The following DLC1 variants were observed in gnomAD, a reference collection of about 807,000 sequenced individuals.
DLC1 encodes rho GTPase-activating protein 7.
In DLC1, 54 loss-of-function variants were observed where a neutral mutation model predicts 140.3. The observed-to-expected ratio is 0.38, with a 90% CI of 0.31 to 0.48. The LOEUF is 0.48. Among genes scored for constraint, DLC1 ranks in the 20% least tolerant of loss-of-function variants. The pLI is 0.96. For synonymous variants in DLC1, 986 were observed against 728.1 expected (o/e 1.35, Z -5.70); for missense variants, 2,536 against 1,907.0 (o/e 1.33, Z -6.14).
Position 13,125,059 on chromosome 8 carries a change from C to T in DLC1, c.1349-9402G>A, listed in dbSNP as rs552142595. Among the ~76,000 whole-genome samples the T allele has an allele frequency of 3.5e-3, 533 of 152,216 alleles. 2 individuals carry two copies. Among genetic ancestry groups the T allele is most frequent in the African/African-American group, 0.012 (480 of 41,524 alleles). ...TAGCACAATCTCAACTCACAGCAAC[C>T]TCTGCCTCCTGGGTTCAAGCCATTC... is the stretch of plus-strand genomic sequence containing the variant. On this transcript the variant is annotated intron_variant, in intron 5 of 17. Coordinates refer to ENST00000276297, the MANE Select transcript of DLC1 (RefSeq NM_182643.3).
intron 5 of DLC1, among the ~76,000 whole-genome samples, chr8:13,136,539 G>A (rs1032850273): frequency 6.6e-6 from 1 of 152,086 alleles, no homozygotes; most frequent in East Asian, 1.9e-4. Context: ...AGATCATCTC[G>A]CCCTGTTGCC....
chr8:13,391,940 C>T (rs1350144267), intron 4 of DLC1, among the ~76,000 whole-genome samples: 2 of 150,718 alleles, frequency 1.3e-5, no homozygotes, highest in Admixed American at 6.6e-5. Context: ...ATTTTCAAAA[C>T]CTTCAAGTCA....
intron 10 of DLC1, 140 bp downstream of exon 10, chr8:13,098,259 A>G: frequency 9.0e-7 from 1 of 1,117,296 alleles, no homozygotes. Context: ...ACAAAAATGC[A>G]GAGAGTGATT....
At chr8:13,415,086 A>G (rs1004107210) in intron 2 of DLC1, among the ~76,000 whole-genome samples, 2 of 152,074 alleles carry the variant, frequency 1.3e-5, no homozygotes, top group Non-Finnish European at 1.5e-5. Context: ...TGCTGGGATT[A>G]TGGGCGTGAG....
At chr8:13,309,011 A>G (rs1832565086) in intron 4 of DLC1, among the ~76,000 whole-genome samples, 1 of 152,178 alleles carries the variant, frequency 6.6e-6, no homozygotes, top group Admixed American at 6.5e-5. Flanking sequence ...TTGGAACTAA[A>G]ACACCGAATG....
intron 2 of DLC1, among the ~76,000 whole-genome samples, chr8:13,452,522 A>T (rs900581492): frequency 2.6e-5 from 4 of 152,230 alleles, no homozygotes; most frequent in African/African-American, 9.6e-5. Flanking sequence ...TGCTAAAGTG[A>T]TAGGTACAAA....
At chr8:13,365,549 A>T (rs577362198) in intron 4 of DLC1, among the ~76,000 whole-genome samples, 8 of 152,228 alleles carry the variant, frequency 5.3e-5, no homozygotes, top group Admixed American at 4.6e-4. Flanking sequence ...GATGCATGAG[A>T]TGTTACCAAT....
intron 15 of DLC1, 46 bp downstream of exon 15, chr8:13,090,206 C>G (rs756534009): frequency 3.3e-5 from 52 of 1,572,152 alleles, no homozygotes; most frequent in Non-Finnish European, 4.2e-5. Flanking sequence ...TGGACCCAAG[C>G]TTCGACTCCT....
At chr8:13,184,581 T>G (rs1402816113) in intron 5 of DLC1, among the ~76,000 whole-genome samples, 1 of 152,240 alleles carries the variant, frequency 6.6e-6, no homozygotes, top group Non-Finnish European at 1.5e-5. Context: ...AGGAGCAAGT[T>G]GTTCAGTTTC....
At chr8:13,403,513 T>C (rs529977362) in intron 2 of DLC1, among the ~76,000 whole-genome samples, 3 of 152,378 alleles carry the variant, frequency 2.0e-5, no homozygotes, top group Admixed American at 6.5e-5. Flanking sequence ...GTTTGGCAAC[T>C]TAAAGGTTGC....
intron 7 of DLC1, among the ~76,000 whole-genome samples, chr8:13,103,839 C>CAAAAAAAAAAA (rs1002564334): frequency 1.6e-5 from 1 of 60,804 alleles, no homozygotes; most frequent in African/African-American, 5.0e-5. Context: ...GACTCCATCT[C>CAAAAAAAAAAA]AAAAAAAAAA....
intron 4 of DLC1, among the ~76,000 whole-genome samples, chr8:13,365,477 T>G (rs1296274351): frequency 2.6e-5 from 4 of 152,130 alleles, no homozygotes; most frequent in Non-Finnish European, 5.9e-5. Flanking sequence ...TTTATCCTAC[T>G]CTAGATGTGA....
intron 2 of DLC1, among the ~76,000 whole-genome samples, chr8:13,427,022 A>T (rs1434632268): frequency 6.6e-6 from 1 of 151,950 alleles, no homozygotes; most frequent in Non-Finnish European, 1.5e-5. Context: ...CCATTTTTCA[A>T]CCTGTACTTT....
chr8:13,269,757 A>G (rs1830846675), intron 5 of DLC1, among the ~76,000 whole-genome samples: 2 of 151,156 alleles, frequency 1.3e-5, no homozygotes, highest in South Asian at 2.1e-4. Flanking sequence ...AGTAATTAGA[A>G]TAAGAAATTT....
Position 13,095,068 on chromosome 8 carries a change from C to T in DLC1, c.3327+18G>A, listed in dbSNP as rs202095993. 80 of 1,613,862 alleles carry T rather than the reference C, an allele frequency of 5.0e-5. 1 individual carries two copies. The highest frequency in any genetic ancestry group is 2.9e-4 in the African/African-American group (22 of 74,940). On this transcript the variant is annotated intron_variant, in intron 11 of 17. Coordinates refer to ENST00000276297, the MANE Select transcript of DLC1 (RefSeq NM_182643.3). ...CCGAGCTCCCCTGAGTACGTGGACC[C>T]GCAGGCAGCGCTCTCACCTGATCCA... is the stretch of plus-strand genomic sequence containing the variant.
intron 5 of DLC1, among the ~76,000 whole-genome samples, chr8:13,158,726 A>ACCC (rs1824436999): frequency 5.9e-4 from 10 of 17,048 alleles, no homozygotes; most frequent in South Asian, 3.1e-3. Flanking sequence ...GTTCACAACC[A>ACCC]CCACCCTCCC....
At chr8:13,295,981 C>T (rs1831935870) in intron 5 of DLC1, among the ~76,000 whole-genome samples, 1 of 94,680 alleles carries the variant, frequency 1.1e-5, no homozygotes, top group Non-Finnish European at 1.9e-5. Flanking sequence ...GAGACAGAGT[C>T]TCATTCTATT....
intron 4 of DLC1, among the ~76,000 whole-genome samples, chr8:13,312,386 A>AAAAAAAAT (rs71207139): frequency 0.07 from 5,595 of 80,020 alleles, 966 homozygotes; most frequent in Non-Finnish European, 0.09. Flanking sequence ...AAAAAAAAAA[A>AAAAAAAAT]AATAATTTCT....
intron 5 of DLC1, among the ~76,000 whole-genome samples, chr8:13,164,734 C>T (rs1432324045): frequency 1.3e-5 from 2 of 152,180 alleles, no homozygotes; most frequent in Non-Finnish European, 2.9e-5. Context: ...TATTTTACTT[C>T]TGAGACTTCT....
Sources: allele counts gnomAD v4.1 joint callset (sites outside exome capture counted in the v4.1 genomes callset), GRCh38; gene constraint gnomAD v4.1.1; transcripts MANE v1.5; gene names NCBI Gene and HGNC (gene_info 2026-07-23, HGNC 2026-07-21).